DMD: variants seen among roughly 807,000 people sequenced by gnomAD.
The protein encoded by DMD is mutant dystrophin.
Under a neutral mutation model 330.1 loss-of-function variants are expected in DMD, and 63 were observed. The ratio of observed to expected loss-of-function variants is 0.19; its 90% CI spans 0.16 to 0.24. DMD has a LOEUF of 0.24. DMD is among the 10% of genes least tolerant of loss of function. DMD has a pLI of 1.00. For synonymous variants in DMD, 1,223 were observed against 959.8 expected (o/e 1.27, Z -5.07); for missense variants, 3,344 against 2,684.1 (o/e 1.25, Z -5.43).
intron 44 of DMD, among the ~76,000 whole-genome samples, chrX:32,000,850 C>A (rs1417222744): frequency 3.6e-5 from 4 of 111,728 alleles, no homozygotes; most frequent in Non-Finnish European, 7.5e-5. Flanking sequence ...TACTGCATTT[C>A]TAACATTGAA....
chrX:32,397,056 C>A (rs2098049771), intron 30 of DMD, among the ~76,000 whole-genome samples: 1 of 111,247 alleles, frequency 9.0e-6, no homozygotes, highest in Non-Finnish European at 1.9e-5. Context: ...ACAATGTAAT[C>A]ATTTTCTTTT....
intron 60 of DMD, among the ~76,000 whole-genome samples, chrX:31,368,649 C>T (rs2059385876): frequency 9.2e-6 from 1 of 108,518 alleles, no homozygotes; most frequent in East Asian, 2.8e-4. Context: ...CAGGTCCCCC[C>T]GCCCTTTTTT....
At chrX:31,493,114 G>T (rs187185834) in intron 57 of DMD, among the ~76,000 whole-genome samples, 1 of 111,690 alleles carries the variant, frequency 9.0e-6, no homozygotes, top group Admixed American at 9.5e-5. Context: ...CTGTAAATAA[G>T]AAGGGAATAC....
At chrX:32,158,159 C>G (rs779218211) in intron 44 of DMD, among the ~76,000 whole-genome samples, 9 of 111,402 alleles carry the variant, frequency 8.1e-5, no homozygotes, top group African/African-American at 2.9e-4. Context: ...GCTTCAACTT[C>G]CACATCCATA....
intron 67 of DMD, among the ~76,000 whole-genome samples, chrX:31,197,668 T>G (rs1218770886): frequency 9.0e-6 from 1 of 111,578 alleles, no homozygotes; most frequent in African/African-American, 3.3e-5. Flanking sequence ...CCAGCTCTCA[T>G]AGGTGAAGCA....
intron 37 of DMD, among the ~76,000 whole-genome samples, chrX:32,352,213 T>G (rs775964785): frequency 9.0e-6 from 1 of 110,864 alleles, no homozygotes; most frequent in Non-Finnish European, 1.9e-5. Context: ...AGTCACATTT[T>G]AGGAACAAAA....
intron 45 of DMD, among the ~76,000 whole-genome samples, chrX:31,939,232 T>G (rs1398749357): frequency 9.0e-6 from 1 of 111,708 alleles, no homozygotes; most frequent in African/African-American, 3.3e-5. Context: ...AAGCATCAAC[T>G]TTATTTTTAA....
intron 2 of DMD, among the ~76,000 whole-genome samples, chrX:33,008,959 T>TACAC (rs2093479525): frequency 1.0e-5 from 1 of 98,717 alleles, no homozygotes; most frequent in East Asian, 3.3e-4. Context: ...TACGTATATA[T>TACAC]ACATATGTGT....
intron 19 of DMD, among the ~76,000 whole-genome samples, chrX:32,493,358 T>C (rs2043186253): frequency 9.0e-6 from 1 of 111,541 alleles, no homozygotes; most frequent in Non-Finnish European, 1.9e-5. Context: ...TCAACTATTT[T>C]CCCCTCCTTC....
chrX:32,127,949 A>T (rs1292884712), intron 44 of DMD, among the ~76,000 whole-genome samples: 3 of 112,476 alleles, frequency 2.7e-5, no homozygotes. Flanking sequence ...GCATTGCTCA[A>T]GAATGCCAGT....
intron 44 of DMD, among the ~76,000 whole-genome samples, chrX:31,977,481 A>G (rs780252805): frequency 9.0e-6 from 1 of 111,440 alleles, no homozygotes; most frequent in East Asian, 2.8e-4. Flanking sequence ...TCTAACATCA[A>G]TTAATTGATT....
chrX:32,528,901 ATTTCT>A (rs2047180792), intron 17 of DMD, among the ~76,000 whole-genome samples: 1 of 57,124 alleles, frequency 1.8e-5, no homozygotes, highest in Non-Finnish European at 3.1e-5. Flanking sequence ...AAACCAATGT[ATTTCT>A]TTTTTTTTTT....
At chrX:31,746,601 T>C (rs1413728072) in intron 51 of DMD, among the ~76,000 whole-genome samples, 1 of 111,868 alleles carries the variant, frequency 8.9e-6, no homozygotes, top group Non-Finnish European at 1.9e-5. Context: ...AAGACATATG[T>C]TATATAGAAT....
chrX:33,008,058 A>T (rs1025880615), intron 2 of DMD, among the ~76,000 whole-genome samples: 24 of 111,679 alleles, frequency 2.1e-4, no homozygotes, highest in Admixed American at 1.9e-4. Flanking sequence ...TTTCTAATGA[A>T]AAGGTCTCTT....
At chrX:31,542,622 G>A (rs1057435342) in intron 55 of DMD, among the ~76,000 whole-genome samples, 2 of 111,971 alleles carry the variant, frequency 1.8e-5, no homozygotes, top group Non-Finnish European at 3.8e-5. Context: ...TGGAGTAAAG[G>A]GAATACTGTC....
intron 43 of DMD, among the ~76,000 whole-genome samples, chrX:32,282,189 G>C (rs2097423099): frequency 9.0e-6 from 1 of 111,661 alleles, no homozygotes; most frequent in Non-Finnish European, 1.9e-5. Context: ...TTACAGGATA[G>C]TAAAGATGGT....
chrX:31,574,406 G>A (rs1309068086), intron 55 of DMD, among the ~76,000 whole-genome samples: 1 of 110,875 alleles, frequency 9.0e-6, no homozygotes, highest in Non-Finnish European at 1.9e-5. Flanking sequence ...GCCTCCCAAA[G>A]TGCTGGGATT....
intron 45 of DMD, among the ~76,000 whole-genome samples, chrX:31,944,333 A>G (rs1451921576): frequency 8.9e-6 from 1 of 112,287 alleles, no homozygotes; most frequent in African/African-American, 3.2e-5. Flanking sequence ...ACTTTTAAAG[A>G]GATTTGCAAA....
intron 55 of DMD, among the ~76,000 whole-genome samples, chrX:31,511,272 T>C (rs142931906): frequency 0.18 from 18,953 of 104,852 alleles, 1,654 homozygotes; most frequent in Middle Eastern, 0.26. Context: ...CATAACATAA[T>C]ATAATACTAC....
Sources: gnomAD v4.1 joint callset for allele counts (sites outside exome capture counted in the v4.1 genomes callset) on GRCh38, gnomAD v4.1.1 for gene constraint, MANE v1.5 for transcripts, NCBI Gene and HGNC (gene_info 2026-07-23, HGNC 2026-07-21) for gene names.